Variants in GABBR2 observed in about 807,000 individuals in gnomAD.
The protein encoded by GABBR2 is G-protein coupled receptor 51.
In GABBR2, 23 loss-of-function variants were observed where a neutral mutation model predicts 105.6. The ratio of observed to expected loss-of-function variants is 0.22; its 90% CI spans 0.16 to 0.31. GABBR2 has a LOEUF of 0.31. GABBR2 is among the 10% of genes least tolerant of loss of function. GABBR2 has a pLI of 1.00. For synonymous variants in GABBR2, 478 were observed against 499.7 expected (o/e 0.96, Z 0.58); for missense variants, 734 against 1,245.5 (o/e 0.59, Z 6.18).
chr9:98,564,340 G>C (rs1828720908), intron 2 of GABBR2, among the ~76,000 whole-genome samples: 1 of 152,192 alleles, frequency 6.6e-6, no homozygotes, highest in South Asian at 2.1e-4. Context: ...TACTTTCTTT[G>C]AATCTTATTT....
At chr9:98,432,763 C>G (rs189768547) in intron 7 of GABBR2, among the ~76,000 whole-genome samples, 222 of 152,310 alleles carry the variant, frequency 1.5e-3, no homozygotes, top group Non-Finnish European at 2.6e-3. Context: ...ATGCCAGGCA[C>G]CATCTCCTCT....
intron 7 of GABBR2, among the ~76,000 whole-genome samples, chr9:98,420,273 G>A (rs906130212): frequency 2.0e-5 from 3 of 152,134 alleles, no homozygotes; most frequent in African/African-American, 4.8e-5. Flanking sequence ...CCCCTCCGTT[G>A]TCCCATGCCT....
intron 2 of GABBR2, among the ~76,000 whole-genome samples, chr9:98,568,641 G>A (rs1828783369): frequency 1.3e-5 from 2 of 152,132 alleles, no homozygotes; most frequent in South Asian, 2.1e-4. Flanking sequence ...CCTGCCACAT[G>A]TTCCCCTCTC....
chr9:98,576,665 G>A (rs561879958), intron 2 of GABBR2, among the ~76,000 whole-genome samples: 146 of 152,246 alleles, frequency 9.6e-4, no homozygotes, highest in African/African-American at 1.4e-3. Context: ...AGCATAGAGT[G>A]GATTTAAAAA....
intron 14 of GABBR2, among the ~76,000 whole-genome samples, chr9:98,309,316 T>G (rs1258980865): frequency 6.6e-6 from 1 of 152,244 alleles, no homozygotes; most frequent in Non-Finnish European, 1.5e-5. Context: ...AAATCCAGTT[T>G]AAAGATGTCA....
At chr9:98,655,275 G>A (rs1440561717) in intron 1 of GABBR2, among the ~76,000 whole-genome samples, 1 of 152,158 alleles carries the variant, frequency 6.6e-6, no homozygotes, top group African/African-American at 2.4e-5. Context: ...TACCACTCTG[G>A]TGGGGGATGT....
rs1394630070 is a variant in GABBR2, at chr9:98,299,124, C to G, written c.2542+100G>C. ...GTGTGACTTCATACCAGTCCTGTGC[C>G]CTGTCTGAGCCTCAGTTTCTTCATC... On this transcript the variant is annotated intron_variant, in intron 17 of 18. Transcript: ENST00000259455. The G allele has an allele frequency of 5.0e-6, 5 of 999,416 alleles. No individual in the cohort carries two copies. The East Asian group carries it at 1.2e-4, about 24-fold the overall frequency. 61.9% of individuals were successfully genotyped at this position (999,416 alleles called of 1,614,324 possible).
At chr9:98,661,307 CATT>C (rs1830258800) in intron 1 of GABBR2, among the ~76,000 whole-genome samples, 1 of 152,204 alleles carries the variant, frequency 6.6e-6, no homozygotes, top group African/African-American at 2.4e-5. Context: ...TGAGGCGAGG[CATT>C]ATTAAGCCTA....
intron 1 of GABBR2, among the ~76,000 whole-genome samples, chr9:98,622,014 G>T (rs979205137): frequency 1.3e-5 from 2 of 152,036 alleles, no homozygotes; most frequent in African/African-American, 4.8e-5. Context: ...AAAAAAAATG[G>T]TCTTTAGGCA....
At position 98,413,984 on chromosome 9, in the gene GABBR2, C is replaced by T. The variant is rs541939010; in HGVS notation, c.1237-7843G>A. On this transcript the variant is annotated intron_variant, in intron 7 of 18. Coordinates refer to ENST00000259455, the MANE Select transcript of GABBR2 (RefSeq NM_005458.8). Reference sequence around the variant, plus strand: ...AGACACATGATGAAATATTAGGATACGTGCATTCAATCAGCAAGTCCTGTT... The same window carrying T: ...AGACACATGATGAAATATTAGGATATGTGCATTCAATCAGCAAGTCCTGTT... 4.1e-4 allele frequency among the ~76,000 whole-genome samples: 62 copies of T among 152,284 alleles called. 1 individual carries two copies. Among genetic ancestry groups the T allele is most frequent in the South Asian group, 3.5e-3 (17 of 4,822 alleles).
In GABBR2 at chr9:98,496,512, C is replaced by T; in HGVS notation, c.633G>A (p.Val211=). 1.2e-6 allele frequency: 2 copies of T among 1,606,610 alleles called. No individual in the cohort carries two copies. The highest frequency in any genetic ancestry group is 1.7e-6 in the Non-Finnish European group (2 of 1,173,424). ...LTQDVQRFSE[V]RNDLTGVLYG... is the part of the protein sequence containing the mutation. ...ACAGAACTCCAGTCAGGTCATTCCG[C>T]ACCTGTCAGCAAAGAGAAAGCAGAG... The change falls in exon 4 of 19, where the codon GTG becomes GTA. Residue 211 remains valine, a splice_region_variant and synonymous_variant. Transcript: ENST00000259455.
At chr9:98,322,887 G>A (rs1057431166) in intron 13 of GABBR2, among the ~76,000 whole-genome samples, 6 of 152,018 alleles carry the variant, frequency 3.9e-5, no homozygotes, top group Non-Finnish European at 5.9e-5. Flanking sequence ...ACTCTTTCCT[G>A]TTCCGCTATC....
chr9:98,479,143 C>T (rs546506196), intron 5 of GABBR2, among the ~76,000 whole-genome samples: 43 of 152,194 alleles, frequency 2.8e-4, no homozygotes, highest in African/African-American at 1.0e-3. Context: ...TGTGGAAAGA[C>T]CTCTTGCTAC....
At chr9:98,636,485 CTTTTTTTTTTTTT>C (rs10559312) in intron 1 of GABBR2, among the ~76,000 whole-genome samples, 3 of 66,174 alleles carry the variant, frequency 4.5e-5, no homozygotes, top group South Asian at 7.7e-4. Context: ...TCTTTCCTTT[CTTTTTTTTTTTTT>C]TTTTTTTTTT....
At chr9:98,503,325 G>A (rs1376154638) in intron 3 of GABBR2, among the ~76,000 whole-genome samples, 6 of 152,196 alleles carry the variant, frequency 3.9e-5, no homozygotes, top group Admixed American at 2.0e-4. Context: ...AGAAAGAGGT[G>A]GGTGAGGGCA....
At chr9:98,472,775 C>T (rs534956072) in intron 6 of GABBR2, among the ~76,000 whole-genome samples, 1 of 152,250 alleles carries the variant, frequency 6.6e-6, no homozygotes, top group African/African-American at 2.4e-5. Flanking sequence ...TCTTTCCTCT[C>T]CTCCAGGAGA....
At chr9:98,455,968 C>T (rs1826318981) in intron 6 of GABBR2, among the ~76,000 whole-genome samples, 1 of 152,192 alleles carries the variant, frequency 6.6e-6, no homozygotes, top group Admixed American at 6.5e-5. Context: ...TGCATCCTCT[C>T]TAGCTACCAC....
At chr9:98,666,244 C>A (rs1301639670) in intron 1 of GABBR2, among the ~76,000 whole-genome samples, 1 of 152,168 alleles carries the variant, frequency 6.6e-6, no homozygotes, top group Non-Finnish European at 1.5e-5. Flanking sequence ...ACCTAACGAA[C>A]CCAAAGGAAT....
chr9:98,613,547 C>T (rs981303100), intron 1 of GABBR2, among the ~76,000 whole-genome samples: 4 of 152,110 alleles, frequency 2.6e-5, no homozygotes, highest in Admixed American at 6.5e-5. Flanking sequence ...CGAGAGGAAG[C>T]CTGTTCCAGG....
Sources: allele counts gnomAD v4.1 joint callset (sites outside exome capture counted in the v4.1 genomes callset), GRCh38; gene constraint gnomAD v4.1.1; transcripts MANE v1.5; gene names NCBI Gene and HGNC (gene_info 2026-07-23, HGNC 2026-07-21).